DAB1: variants seen among roughly 807,000 people sequenced by gnomAD.
The protein encoded by DAB1 is disabled homolog 1.
In DAB1, 15 loss-of-function variants were observed where a neutral mutation model predicts 64.6. That is an observed-to-expected ratio of 0.23 (90% CI 0.16 to 0.36). The LOEUF (loss-of-function observed/expected upper bound fraction) is 0.36. DAB1 is among the 10% of genes least tolerant of loss of function. DAB1 has a pLI of 1.00. For missense variants in DAB1, 596 were observed against 706.7 expected (o/e 0.84, Z 1.78); for synonymous variants, 235 against 251.9 (o/e 0.93, Z 0.64).
chr1:58,176,984 A>C (rs895718266), intron 4 of DAB1, among the ~76,000 whole-genome samples: 4 of 152,120 alleles, frequency 2.6e-5, no homozygotes, highest in Non-Finnish European at 5.9e-5. Flanking sequence ...CTCAATAAAA[A>C]AAAAAAAAAA....
intron 3 of DAB1, among the ~76,000 whole-genome samples, chr1:58,412,109 TTA>T (rs1445289114): frequency 6.6e-6 from 1 of 152,188 alleles, no homozygotes; most frequent in African/African-American, 2.4e-5. Flanking sequence ...GAGTCCTCCC[TTA>T]TCTTTTTCTG....
At chr1:57,406,542 G>C (rs560573665) in intron 1 of DAB1, among the ~76,000 whole-genome samples, 3 of 152,214 alleles carry the variant, frequency 2.0e-5, no homozygotes, top group African/African-American at 7.2e-5. Flanking sequence ...AGAGCACAAG[G>C]CCCTTTCACA....
intron 6 of DAB1, among the ~76,000 whole-genome samples, chr1:57,796,505 C>T (rs568896363): frequency 4.5e-4 from 68 of 151,342 alleles, no homozygotes; most frequent in African/African-American, 1.6e-3. Flanking sequence ...CCAGCCTGGG[C>T]GACAGAGCAA....
chr1:58,110,626 A>T (rs1651918836), intron 5 of DAB1, among the ~76,000 whole-genome samples: 1 of 152,224 alleles, frequency 6.6e-6, no homozygotes, highest in Non-Finnish European at 1.5e-5. Context: ...CCTGGATTCA[A>T]ATCTGATCCT....
chr1:58,053,485 C>T (rs1647843041), intron 5 of DAB1, among the ~76,000 whole-genome samples: 1 of 152,096 alleles, frequency 6.6e-6, no homozygotes, highest in African/African-American at 2.4e-5. Flanking sequence ...TAGAGAAAAC[C>T]TCACTCACCC....
chr1:57,184,317 T>C (rs543922909), intron 2 of DAB1, among the ~76,000 whole-genome samples: 32 of 152,286 alleles, frequency 2.1e-4, no homozygotes, highest in African/African-American at 7.0e-4. Flanking sequence ...AAGGATTCTT[T>C]TAATTAGATG....
chr1:57,211,829 T>A, intron 2 of DAB1, among the ~76,000 whole-genome samples: 1 of 152,202 alleles, frequency 6.6e-6, no homozygotes, highest in East Asian at 1.9e-4. Context: ...TACATTGTAC[T>A]AGGTATTACA....
At chr1:57,362,541 G>A (rs1679639168) in intron 1 of DAB1, among the ~76,000 whole-genome samples, 2 of 152,010 alleles carry the variant, frequency 1.3e-5, no homozygotes, top group Non-Finnish European at 2.9e-5. Flanking sequence ...AGGGAGGTGG[G>A]GTCTTCTTGA....
intron 6 of DAB1, among the ~76,000 whole-genome samples, chr1:57,673,545 A>G (rs1377073141): frequency 1.3e-5 from 2 of 152,088 alleles, no homozygotes; most frequent in Admixed American, 6.6e-5. Context: ...CTCAGGGAAC[A>G]TTGTGGATGG....
chr1:57,050,467 C>A (rs750296608), intron 9 of DAB1, among the ~76,000 whole-genome samples: 1 of 152,212 alleles, frequency 6.6e-6, no homozygotes, highest in Non-Finnish European at 1.5e-5. Flanking sequence ...ACCCTATGGT[C>A]CTGCCACCTC....
intron 4 of DAB1, among the ~76,000 whole-genome samples, chr1:58,154,802 G>C (rs1655133758): frequency 6.6e-6 from 1 of 152,184 alleles, no homozygotes; most frequent in Admixed American, 6.5e-5. Flanking sequence ...GTATCAGTCA[G>C]ATGCCAGAGA....
At chr1:58,214,572 C>T (rs931895649) in intron 4 of DAB1, among the ~76,000 whole-genome samples, 1 of 152,120 alleles carries the variant, frequency 6.6e-6, no homozygotes, top group Non-Finnish European at 1.5e-5. Flanking sequence ...AAAGTGGCCA[C>T]TGGATTGAGC....
Position 57,695,393 on chromosome 1 carries a change from AAAGAAAGAAAGAAAGAAAGAAAGAAAG to A in DAB1, n.552-45755_552-45729del, listed in dbSNP as rs1557427926. ...GAAAGAAAGAAAGAAAGAAAGAAAG[AAAGAAAGAAAGAAAGAAAGAAAGAAAG>A]AAAGAAAGAAAGAAAAAAGAAGAAA... On this transcript the variant is annotated intron_variant and non_coding_transcript_variant, in intron 6 of 20. Coordinates refer to the DAB1 transcript ENST00000485760. Among the ~76,000 whole-genome samples, 130 of 79,132 alleles carry A rather than the reference AAAGAAAGAAAGAAAGAAAGAAAGAAAG, an allele frequency of 1.6e-3. 5 individuals are homozygous for A. The highest frequency in any genetic ancestry group is 5.7e-3 in the African/African-American group (130 of 22,842). The allele number at this position is 79,132 out of a possible 152,430, so 51.9% of individuals were successfully genotyped here.
intron 1 of DAB1, among the ~76,000 whole-genome samples, chr1:57,345,218 A>G (rs531409210): frequency 7.2e-5 from 11 of 152,242 alleles, no homozygotes; most frequent in African/African-American, 1.4e-4. Context: ...CCTGCCCCCT[A>G]TCGTGGATCT....
chr1:57,747,508 T>G (rs2101799051), intron 6 of DAB1, among the ~76,000 whole-genome samples: 1 of 152,146 alleles, frequency 6.6e-6, no homozygotes, highest in African/African-American at 2.4e-5. Context: ...GAGAGTTAAA[T>G]TAGTAAGAAT....
chr1:58,487,695 AGTAATTT>A (rs148236858), intron 3 of DAB1, among the ~76,000 whole-genome samples: 96 of 152,274 alleles, frequency 6.3e-4, no homozygotes, highest in African/African-American at 2.1e-3. Flanking sequence ...AAAGTAATTT[AGTAATTT>A]GTAATTTGTA....
chr1:58,377,252 T>G (rs1455321883), intron 3 of DAB1, among the ~76,000 whole-genome samples: 2 of 148,932 alleles, frequency 1.3e-5, no homozygotes, highest in Non-Finnish European at 3.0e-5. Context: ...TGCTCGTTAG[T>G]TGATGCAGTT....
At chr1:57,918,152 TA>T (rs955219809) in intron 5 of DAB1, among the ~76,000 whole-genome samples, 2 of 151,548 alleles carry the variant, frequency 1.3e-5, no homozygotes, top group Non-Finnish European at 2.9e-5. Context: ...GTATACTATG[TA>T]AAAATATCTC....
At chr1:57,257,361 A>G (rs922307768) in intron 2 of DAB1, among the ~76,000 whole-genome samples, 43 of 152,226 alleles carry the variant, frequency 2.8e-4, no homozygotes, top group African/African-American at 9.9e-4. Flanking sequence ...ACATTCTGCC[A>G]TGCTAACTGC....
Sources: allele counts gnomAD v4.1 joint callset (sites outside exome capture counted in the v4.1 genomes callset), GRCh38; gene constraint gnomAD v4.1.1; transcripts MANE v1.5; gene names NCBI Gene and HGNC (gene_info 2026-07-23, HGNC 2026-07-21).